The following CBFA2T3 variants were observed in gnomAD, a reference collection of about 807,000 sequenced individuals.
CBFA2T3 encodes CBFA2/RUNX1 partner transcriptional co-repressor 3, also known as transcriptional corepressor CBFA2T3.
CBFA2T3 carries 31 observed loss-of-function variants against 58.6 expected under a neutral mutation model. That is an observed-to-expected ratio of 0.53 (90% CI 0.40 to 0.71). The LOEUF (loss-of-function observed/expected upper bound fraction) is 0.71, where lower values mean the gene tolerates loss of function less well. CBFA2T3 is among the 30% of genes least tolerant of loss of function. The probability of loss-of-function intolerance (pLI) is 0.00; values close to 1 mark genes in which losing one functional copy is unlikely to be tolerated. For synonymous variants in CBFA2T3, 531 were observed against 421.9 expected (o/e 1.26, Z -3.17); for missense variants, 1,076 against 963.1 (o/e 1.12, Z -1.55).
intron 1 of CBFA2T3, among the ~76,000 whole-genome samples, chr16:88,907,254 C>G (rs1567598926): frequency 6.6e-6 from 1 of 152,184 alleles, no homozygotes; most frequent in Non-Finnish European, 1.5e-5. Flanking sequence ...GCCTGGCCGC[C>G]CAGCACAAGG....
At chr16:88,886,300 C>G (rs1410029520) in intron 5 of CBFA2T3, 158 bp from the exon 6 acceptor site, 1 of 467,312 alleles carries the variant, frequency 2.1e-6, no homozygotes. Flanking sequence ...AAGTTCCTTC[C>G]TAGCAGTGCC....
At chr16:88,888,004 G>T (rs989642640) in intron 5 of CBFA2T3, among the ~76,000 whole-genome samples, 4 of 152,180 alleles carry the variant, frequency 2.6e-5, no homozygotes, top group Admixed American at 6.5e-5. Flanking sequence ...GTGGCCTTGG[G>T]CTGGTCATTT....
rs200801589 is a variant in CBFA2T3, at chr16:88,966,483, C to A, written c.151+10174G>T. Among the ~76,000 whole-genome samples, 1,010 of 120,118 alleles carry A rather than the reference C, an allele frequency of 8.4e-3. 8 individuals are homozygous for A. The highest frequency in any genetic ancestry group is 0.011 in the Non-Finnish European group (695 of 61,302). The allele number at this position is 120,118 out of a possible 152,430, so 78.8% of individuals were successfully genotyped here. A position where few individuals can be genotyped will look rare whatever the true frequency, so the allele number is the denominator to read the frequency against. On this transcript the variant is annotated intron_variant, in intron 1 of 11. Coordinates refer to ENST00000268679, the MANE Select transcript of CBFA2T3 (RefSeq NM_005187.6). ...ACACCCTCATCCCACCTGGGGTGAC[C>A]ACCAAACCCATGTCCAGACGAGGAC... is the stretch of plus-strand genomic sequence containing the variant.
intron 1 of CBFA2T3, among the ~76,000 whole-genome samples, chr16:88,932,459 C>A (rs1222040477): frequency 6.6e-6 from 1 of 151,278 alleles, no homozygotes; most frequent in African/African-American, 2.4e-5. Context: ...TGTAGCAAGA[C>A]CCCATCTCTA....
chr16:88,975,042 C>A (rs1354419182), intron 1 of CBFA2T3, among the ~76,000 whole-genome samples: 1 of 138,142 alleles, frequency 7.2e-6, no homozygotes, highest in African/African-American at 2.7e-5. Flanking sequence ...CCTGCTCCCT[C>A]CTCACATTGC....
intron 1 of CBFA2T3, among the ~76,000 whole-genome samples, chr16:88,949,217 G>T (rs951515769): frequency 6.6e-6 from 1 of 152,220 alleles, no homozygotes. Flanking sequence ...GGCCGTGTAG[G>T]CATGAGCAAC....
rs1165409498 is a variant in CBFA2T3 at position 88,930,351 on chromosome 16, G to A, written c.152-28695C>T. Among the ~76,000 whole-genome samples, 588 of 142,164 alleles carry A rather than the reference G, an allele frequency of 4.1e-3. 56 individuals are homozygous for A. The highest frequency in any genetic ancestry group is 0.017 in the African/African-American group (554 of 32,828). The allele number at this position is 142,164 out of a possible 152,430, so 93.3% of individuals were successfully genotyped here. A position where few individuals can be genotyped will look rare whatever the true frequency, so the allele number is the denominator to read the frequency against. On this transcript the variant is annotated intron_variant, in intron 1 of 11. Transcript: ENST00000268679. Reference sequence around the variant, plus strand: ...CAATACCCACAGCTGCATCGTCCACGCAAAAGCTACCCATGCCCACAGCTG... The same window carrying A: ...CAATACCCACAGCTGCATCGTCCACACAAAAGCTACCCATGCCCACAGCTG...
rs565744308 is a variant in CBFA2T3, at chr16:88,892,385, C to T, written c.480G>A (p.Leu160=). 2 of 1,613,490 alleles carry T rather than the reference C, an allele frequency of 1.2e-6. No individual in the cohort carries two copies. Among genetic ancestry groups the T allele is most frequent in the South Asian group, 1.1e-5 (1 of 91,078 alleles). Residue 160 remains leucine (L), a synonymous_variant, in exon 4 of 12, where the codon TTG becomes TTA. Coordinates refer to ENST00000268679, the MANE Select transcript of CBFA2T3 (RefSeq NM_005187.6). ...AGGCTGGGGGCAGGTGCTGTGTGGA[C>T]AAGGAGGCTGTGGACGAGGTGGCCG... ...NGPATSSTAS[L]STQHLPPACG... is the part of the protein sequence containing the mutation.
At chr16:88,899,738 G>A (rs1014263159) in intron 2 of CBFA2T3, among the ~76,000 whole-genome samples, 3 of 152,252 alleles carry the variant, frequency 2.0e-5, no homozygotes, top group African/African-American at 7.2e-5. Flanking sequence ...AGCCCACGGT[G>A]TTTGTCCCTG....
chr16:88,923,288 C>T (rs1256345658), intron 1 of CBFA2T3, among the ~76,000 whole-genome samples: 1 of 152,206 alleles, frequency 6.6e-6, no homozygotes, highest in Non-Finnish European at 1.5e-5. Flanking sequence ...CCCTCCTCAT[C>T]GCACAGAGGA....
At chr16:88,962,534 G>C (rs1367106705) in intron 1 of CBFA2T3, among the ~76,000 whole-genome samples, 3 of 152,222 alleles carry the variant, frequency 2.0e-5, no homozygotes, top group Non-Finnish European at 4.4e-5. Flanking sequence ...TCCCGAAGGA[G>C]AGGCCCAGGG....
At chr16:88,939,456 G>C (rs1456462863) in intron 1 of CBFA2T3, 1 of 152,352 alleles carries the variant, frequency 6.6e-6, no homozygotes. Flanking sequence ...TCGGGTGGAG[G>C]CCACATCTGT....
chr16:88,917,144 C>T (rs910630948), intron 1 of CBFA2T3, among the ~76,000 whole-genome samples: 23 of 152,192 alleles, frequency 1.5e-4, no homozygotes, highest in East Asian at 9.6e-4. Flanking sequence ...CTGAGATCAT[C>T]GGCTGTCGGC....
chr16:88,932,550 A>AG (rs1971347498), intron 1 of CBFA2T3, among the ~76,000 whole-genome samples: 1 of 151,896 alleles, frequency 6.6e-6, no homozygotes, highest in South Asian at 2.1e-4. Context: ...TGTAGGCTGA[A>AG]GGGGGAGGAT....
intron 1 of CBFA2T3, among the ~76,000 whole-genome samples, chr16:88,975,121 G>GT (rs1178405152): frequency 1.8e-3 from 132 of 72,016 alleles, no homozygotes; most frequent in African/African-American, 4.4e-3. Flanking sequence ...GGCCACCCTG[G>GT]CCCTCTGCTC....
At chr16:88,893,770 C>T (rs1969749646) in intron 3 of CBFA2T3, among the ~76,000 whole-genome samples, 1 of 152,206 alleles carries the variant, frequency 6.6e-6, no homozygotes, top group Admixed American at 6.5e-5. Flanking sequence ...CAGGGCCGGG[C>T]CTCACCCCTT....
chr16:88,934,629 C>G (rs1348545358), intron 1 of CBFA2T3, among the ~76,000 whole-genome samples: 2 of 152,242 alleles, frequency 1.3e-5, no homozygotes, highest in Non-Finnish European at 2.9e-5. Flanking sequence ...TCTGGCCTCG[C>G]TGCCTGCCTA....
chr16:88,891,550 A>G (rs527944027), intron 5 of CBFA2T3, among the ~76,000 whole-genome samples: 2 of 152,280 alleles, frequency 1.3e-5, no homozygotes, highest in African/African-American at 4.8e-5. Context: ...TCACCCGTGG[A>G]GTGAGCGAGC....
chr16:88,892,100 G>C lies in CBFA2T3; in HGVS notation c.622-129C>G, dbSNP rs1969656880. On this transcript the variant is annotated intron_variant, in intron 4 of 11. Coordinates refer to ENST00000268679, the MANE Select transcript of CBFA2T3 (RefSeq NM_005187.6). ...GCAGCCCAGGAGCTGGGCACGGCCT[G>C]AGAGGGTGCAGGTGGCATCGTGGGA... 3 of 1,355,878 alleles carry C rather than the reference G, an allele frequency of 2.2e-6. No individual in the cohort carries two copies. The South Asian group carries it at 3.8e-5, about 17-fold the overall frequency. 84.0% of individuals were successfully genotyped at this position (1,355,878 alleles called of 1,614,324 possible). A position where few individuals can be genotyped will look rare whatever the true frequency, so the allele number is the denominator to read the frequency against.
Sources: allele counts gnomAD v4.1 joint callset (sites outside exome capture counted in the v4.1 genomes callset), GRCh38; gene constraint gnomAD v4.1.1; transcripts MANE v1.5; gene names NCBI Gene and HGNC (gene_info 2026-07-23, HGNC 2026-07-21).